The following SNTG1 variants were observed in gnomAD, a reference collection of about 807,000 sequenced individuals.
The protein encoded by SNTG1 is gamma-1-syntrophin.
Under a neutral mutation model 74.7 loss-of-function variants are expected in SNTG1, and 39 were observed. The observed-to-expected ratio is 0.52, with a 90% CI of 0.40 to 0.68. The LOEUF (loss-of-function observed/expected upper bound fraction) is 0.68, where lower values mean the gene tolerates loss of function less well. Ranked by LOEUF, SNTG1 falls within the 30% of genes least tolerant of loss-of-function variation. The pLI is 0.00. For synonymous variants in SNTG1, 254 were observed against 217.1 expected, an observed-to-expected ratio of 1.17 and a Z score of -1.49; for missense variants, 685 against 609.5, an observed-to-expected ratio of 1.12 and a Z score of -1.30.
chr8:50,129,203 C>T (rs942476915), intron 1 of SNTG1, among the ~76,000 whole-genome samples: 1 of 152,048 alleles, frequency 6.6e-6, no homozygotes, highest in Non-Finnish European at 1.5e-5. Context: ...TATTAAAGGT[C>T]TTTTGTATTA....
rs143610379 is a variant in SNTG1, at chr8:50,543,365, A to G, written c.680+6557A>G. Among the ~76,000 whole-genome samples the G allele has an allele frequency of 1.9e-3, 296 of 152,216 alleles. 3 individuals carry two copies. The highest frequency in any genetic ancestry group is 6.8e-3 in the African/African-American group (281 of 41,548). ...TTCTCCAAAGTTGCCACCTTTGTTG[A>G]ATGTGAGTTGGCTGTTAATGAGAGA... On this transcript the variant is annotated intron_variant, in intron 11 of 18. Coordinates refer to ENST00000642720, the MANE Select transcript of SNTG1 (RefSeq NM_018967.5).
At position 50,482,863 on chromosome 8, in the gene SNTG1, G is replaced by C. The variant is rs147576237; in HGVS notation, c.364-19915G>C. Among the ~76,000 whole-genome samples, 427 of 152,284 alleles carry C rather than the reference G, an allele frequency of 2.8e-3. 3 individuals are homozygous for C. The highest frequency in any genetic ancestry group is 9.9e-3 in the African/African-American group (411 of 41,560). On this transcript the variant is annotated intron_variant, in intron 8 of 18. Transcript: ENST00000642720. ...ATGTATTTAGTTTGGAGGAGAGTTG[G>C]TATGATGCTGACATCTGAGCCTGAA... is the stretch of plus-strand genomic sequence containing the variant.
intron 2 of SNTG1, among the ~76,000 whole-genome samples, chr8:50,181,981 T>C (rs1028843957): frequency 1.2e-4 from 19 of 152,206 alleles, no homozygotes; most frequent in Non-Finnish European, 2.5e-4. Context: ...CAATAATTAT[T>C]CTGCTATTTA....
chr8:50,716,297 A>G (rs1164963831), intron 17 of SNTG1, among the ~76,000 whole-genome samples: 2 of 152,180 alleles, frequency 1.3e-5, no homozygotes, highest in Admixed American at 1.3e-4. Flanking sequence ...AAACATCAAA[A>G]TGAATTCTTT....
chr8:50,140,278 T>A (rs77491452), intron 1 of SNTG1, among the ~76,000 whole-genome samples: 11,174 of 152,222 alleles, frequency 0.073, 447 homozygotes, highest in Middle Eastern at 0.12. Flanking sequence ...TCCCACATTG[T>A]CACACATGGC....
chr8:50,301,418 A>C (rs2089639111), intron 2 of SNTG1, among the ~76,000 whole-genome samples: 1 of 152,062 alleles, frequency 6.6e-6, no homozygotes, highest in Non-Finnish European at 1.5e-5. Flanking sequence ...CTTCTTTTTT[A>C]TATGATGTCT....
intron 2 of SNTG1, among the ~76,000 whole-genome samples, chr8:50,211,865 T>C (rs2131915730): frequency 6.6e-6 from 1 of 152,294 alleles, no homozygotes; most frequent in South Asian, 2.1e-4. Flanking sequence ...TCTGAATCTC[T>C]AGTATCTGAG....
intron 1 of SNTG1, among the ~76,000 whole-genome samples, chr8:50,101,019 A>G (rs2080102001): frequency 6.6e-6 from 1 of 152,152 alleles, no homozygotes; most frequent in African/African-American, 2.4e-5. Flanking sequence ...CTTATAAACA[A>G]GAACATATGG....
chr8:50,764,096 C>G (rs1376698384), intron 18 of SNTG1, among the ~76,000 whole-genome samples: 1 of 151,638 alleles, frequency 6.6e-6, no homozygotes, highest in African/African-American at 2.4e-5. Flanking sequence ...TCTCCAATAA[C>G]AGGGTGACAA....
intron 13 of SNTG1, among the ~76,000 whole-genome samples, chr8:50,633,063 T>C (rs1230504464): frequency 1.3e-5 from 2 of 152,186 alleles, no homozygotes; most frequent in East Asian, 1.9e-4. Flanking sequence ...TAATCATTAA[T>C]TGGATTTGAG....
chr8:50,443,893 G>A (rs1220594551), intron 5 of SNTG1, among the ~76,000 whole-genome samples: 1 of 152,120 alleles, frequency 6.6e-6, no homozygotes, highest in Non-Finnish European at 1.5e-5. Context: ...CAGGACTTTA[G>A]GAGGCCAAGG....
intron 15 of SNTG1, among the ~76,000 whole-genome samples, chr8:50,684,249 A>G (rs898849805): frequency 6.6e-5 from 10 of 152,138 alleles, no homozygotes; most frequent in Non-Finnish European, 8.8e-5. Context: ...TTTTCTAAAC[A>G]TGAATTTGAG....
chr8:50,310,617 G>A (rs1263024205), intron 2 of SNTG1, among the ~76,000 whole-genome samples: 1 of 152,142 alleles, frequency 6.6e-6, no homozygotes, highest in Non-Finnish European at 1.5e-5. Flanking sequence ...GAACCTGGGA[G>A]GCAGAGGTTG....
intron 18 of SNTG1, among the ~76,000 whole-genome samples, chr8:50,788,540 T>C (rs1195735210): frequency 6.6e-6 from 1 of 151,982 alleles, no homozygotes; most frequent in Non-Finnish European, 1.5e-5. Context: ...GAGTTGTTTA[T>C]ATTCTACTTC....
At chr8:50,468,080 C>T (rs181301125) in intron 8 of SNTG1, among the ~76,000 whole-genome samples, 1 of 150,734 alleles carries the variant, frequency 6.6e-6, no homozygotes, top group Non-Finnish European at 1.5e-5. Context: ...TATAAATTTT[C>T]CATATAAGCT....
At chr8:50,255,733 C>T (rs1251615526) in intron 2 of SNTG1, among the ~76,000 whole-genome samples, 1 of 152,162 alleles carries the variant, frequency 6.6e-6, no homozygotes, top group Admixed American at 6.5e-5. Context: ...AGTGGCCCAC[C>T]TTACTCCAGT....
intron 17 of SNTG1, among the ~76,000 whole-genome samples, chr8:50,711,824 C>T (rs2095462469): frequency 6.6e-6 from 1 of 152,148 alleles, no homozygotes; most frequent in Non-Finnish European, 1.5e-5. Flanking sequence ...GATTCCCTCC[C>T]TAATTCATTA....
At chr8:50,091,860 C>T (rs532680658) in intron 1 of SNTG1, among the ~76,000 whole-genome samples, 1 of 151,768 alleles carries the variant, frequency 6.6e-6, no homozygotes, top group African/African-American at 2.4e-5. Context: ...TGTAGAAGTC[C>T]CACATAATTT....
chr8:50,623,569 T>C (rs532128103), intron 13 of SNTG1, among the ~76,000 whole-genome samples: 4 of 152,240 alleles, frequency 2.6e-5, no homozygotes, highest in Non-Finnish European at 4.4e-5. Context: ...TGCCCATTTC[T>C]ACCCCACAAA....
Sources: allele counts gnomAD v4.1 joint callset (sites outside exome capture counted in the v4.1 genomes callset), GRCh38; gene constraint gnomAD v4.1.1; transcripts MANE v1.5; gene names NCBI Gene and HGNC (gene_info 2026-07-23, HGNC 2026-07-21).